The following E2F5 variants were observed in gnomAD, a reference collection of about 807,000 sequenced individuals.
E2F5 encodes the protein E2F transcription factor 5, also known as transcription factor E2F5.
A neutral mutation model predicts 39.1 loss-of-function variants in E2F5; 23 were observed. The observed-to-expected ratio is 0.59, with a 90% CI of 0.42 to 0.83. The LOEUF (loss-of-function observed/expected upper bound fraction) is 0.83, where lower values mean the gene tolerates loss of function less well. Among genes scored for constraint, E2F5 ranks in the 40% least tolerant of loss-of-function variants. The pLI, the probability that E2F5 is intolerant of heterozygous loss-of-function variation, is 0.00. For synonymous variants in E2F5, 145 were observed against 157.8 expected, an observed-to-expected ratio of 0.92 and a Z score of 0.61; for missense variants, 365 against 406.7, an observed-to-expected ratio of 0.90 and a Z score of 0.88.
rs564323679 is a variant in E2F5, at chr8:85,177,349, C to G, written c.-72C>G. 6 of 978,216 alleles carry G rather than the reference C, an allele frequency of 6.1e-6. No homozygotes were observed. Among genetic ancestry groups the G allele is most frequent in the South Asian group, 4.7e-5 (1 of 21,150 alleles). 60.6% of individuals were successfully genotyped at this position (978,216 alleles called of 1,614,324 possible). On this transcript the variant is annotated 5_prime_UTR_variant, in exon 1 of 8. Transcript: ENST00000416274. ...GGAAGCGGCCGCAGCGGAGCCGACC[C>G]GGCAGGTGGCCGCGGGCGGGGCCGG...
chr8:85,206,268 A>T, intron 4 of E2F5, 48 bp downstream of exon 4: 1 of 1,560,152 alleles, frequency 6.4e-7, no homozygotes, highest in Non-Finnish European at 8.8e-7. Flanking sequence ...CAACCTATTT[A>T]GTGGAGGGTG....
intron 6 of E2F5, among the ~76,000 whole-genome samples, chr8:85,209,983 C>A (rs1368081227): frequency 1.3e-5 from 2 of 152,082 alleles, no homozygotes; most frequent in African/African-American, 4.8e-5. Flanking sequence ...TCTTACTTTC[C>A]TCATTTGTTT....
At chr8:85,204,658 G>A (rs368829778) in intron 3 of E2F5, among the ~76,000 whole-genome samples, 1 of 151,556 alleles carries the variant, frequency 6.6e-6, no homozygotes, top group African/African-American at 2.4e-5. Flanking sequence ...AAACCTGCAC[G>A]TTGTGCACAT....
intron 1 of E2F5, among the ~76,000 whole-genome samples, chr8:85,194,755 C>T (rs1361305765): frequency 6.6e-6 from 1 of 151,078 alleles, no homozygotes; most frequent in African/African-American, 2.4e-5. Context: ...GGCTGGTCTT[C>T]AACTCCTGAC....
intron 1 of E2F5, among the ~76,000 whole-genome samples, chr8:85,192,393 G>T (rs1812484628): frequency 6.6e-6 from 1 of 152,150 alleles, no homozygotes; most frequent in Non-Finnish European, 1.5e-5. Context: ...CTTGGATATG[G>T]TTGATTTATG....
chr8:85,199,901 G>C (rs1167391514), intron 1 of E2F5, among the ~76,000 whole-genome samples: 3 of 152,210 alleles, frequency 2.0e-5, no homozygotes, highest in Admixed American at 2.0e-4. Flanking sequence ...AAGATAGGAA[G>C]TGGCAGCCCT....
At chr8:85,202,616 G>A (rs558691480) in intron 2 of E2F5, among the ~76,000 whole-genome samples, 21 of 152,288 alleles carry the variant, frequency 1.4e-4, no homozygotes, top group Non-Finnish European at 2.2e-4. Context: ...TAATTGAAAC[G>A]CATGTTGTCA....
chr8:85,179,555 G>C (rs927672756), intron 1 of E2F5, among the ~76,000 whole-genome samples: 2 of 152,012 alleles, frequency 1.3e-5, no homozygotes, highest in Admixed American at 6.5e-5. Context: ...TCCTAGAAAA[G>C]AGTTTGAATG....
intron 1 of E2F5, among the ~76,000 whole-genome samples, chr8:85,180,434 G>A (rs914391627): frequency 4.0e-5 from 6 of 148,542 alleles, no homozygotes; most frequent in African/African-American, 1.5e-4. Context: ...TACTTTGGTG[G>A]GGGCATATTT....
intron 7 of E2F5, 178 bp from the exon 8 acceptor site, chr8:85,213,575 T>G: frequency 6.7e-6 from 2 of 296,626 alleles, no homozygotes; most frequent in Non-Finnish European, 6.2e-6. Flanking sequence ...AAAATTAACT[T>G]CTGTTTCTCA....
intron 1 of E2F5, among the ~76,000 whole-genome samples, chr8:85,196,937 T>G (rs1798006085): frequency 6.6e-6 from 1 of 152,226 alleles, no homozygotes; most frequent in South Asian, 2.1e-4. Flanking sequence ...TAGATCAACA[T>G]AAAGTACCAT....
Position 85,177,476 on chromosome 8 carries a change from A to AGGGCCAGCGGCC in E2F5, c.58_69dup (p.Gly20_Pro23dup). On this transcript the variant is annotated inframe_insertion, in exon 1 of 8. Coordinates refer to ENST00000416274, the MANE Select transcript of E2F5 (RefSeq NM_001951.4). The stretch of plus-strand genomic sequence containing the variant: ...CAGCAGGCGCCGGCAGGGCAGGGGC[A>AGGGCCAGCGGCC]GGGCCAGCGGCCGCCGCCGCAGCCT... 2 of 1,016,474 alleles carry AGGGCCAGCGGCC rather than the reference A, an allele frequency of 2.0e-6. No individual in the cohort carries two copies. 63.0% of individuals were successfully genotyped at this position (1,016,474 alleles called of 1,614,324 possible).
At chr8:85,205,267 G>A (rs1001654726) in intron 3 of E2F5, among the ~76,000 whole-genome samples, 6 of 150,520 alleles carry the variant, frequency 4.0e-5, no homozygotes, top group African/African-American at 1.5e-4. Context: ...AGATGGAGTC[G>A]CTCTGTTGCC....
At chr8:85,181,558 C>G (rs1812214382) in intron 1 of E2F5, among the ~76,000 whole-genome samples, 1 of 144,806 alleles carries the variant, frequency 6.9e-6, no homozygotes, top group African/African-American at 2.5e-5. Context: ...TTAGAATGGT[C>G]TCGATCTTCT....
At chr8:85,198,669 A>G (rs531868717) in intron 1 of E2F5, among the ~76,000 whole-genome samples, 18 of 152,312 alleles carry the variant, frequency 1.2e-4, no homozygotes, top group African/African-American at 3.6e-4. Flanking sequence ...TTCTGACTTC[A>G]GTGGCAGGTT....
chr8:85,183,208 C>T (rs183716700), intron 1 of E2F5, among the ~76,000 whole-genome samples: 10 of 152,256 alleles, frequency 6.6e-5, no homozygotes, highest in East Asian at 1.9e-4. Flanking sequence ...GCCACGATCA[C>T]GCCACTGCAC....
intron 1 of E2F5, among the ~76,000 whole-genome samples, chr8:85,190,245 A>AAC (rs143006917): frequency 6.6e-5 from 10 of 151,082 alleles, no homozygotes; most frequent in East Asian, 5.8e-4. Context: ...CGTGTGTGAA[A>AAC]ACACACACAC....
chr8:85,205,458 T>C, intron 3 of E2F5, among the ~76,000 whole-genome samples: 1 of 152,140 alleles, frequency 6.6e-6, no homozygotes, highest in South Asian at 2.1e-4. Context: ...CTTCTTTTTT[T>C]ATCTGTCCAT....
intron 7 of E2F5, 147 bp from the exon 8 acceptor site, chr8:85,213,606 G>T: frequency 1.5e-5 from 5 of 343,648 alleles, no homozygotes; most frequent in East Asian, 4.8e-5. Context: ...AATATTCAAT[G>T]TACAAATTGT....
Sources: allele counts gnomAD v4.1 joint callset (sites outside exome capture counted in the v4.1 genomes callset), GRCh38; gene constraint gnomAD v4.1.1; transcripts MANE v1.5; gene names NCBI Gene and HGNC (gene_info 2026-07-23, HGNC 2026-07-21).